SATL1: variants seen among roughly 807,000 people sequenced by gnomAD.
SATL1 encodes spermidine/spermine N1-acetyl transferase like 1, also known as spermidine/spermine N(1)-acetyltransferase-like protein 1.
Under a neutral mutation model 51.8 loss-of-function variants are expected in SATL1, and 47 were observed. That is an observed-to-expected ratio of 0.91 (90% CI 0.72 to 1.16). The LOEUF is 1.16. SATL1 is among the 50% of genes most tolerant of loss of function. The pLI, the probability that SATL1 is intolerant of heterozygous loss-of-function variation, is 0.00. For synonymous variants in SATL1, 176 were observed against 182.4 expected, an observed-to-expected ratio of 0.97 and a Z score of 0.28; for missense variants, 520 against 526.4, an observed-to-expected ratio of 0.99 and a Z score of 0.12.
chrX:85,167,158 A>T (rs1926859071), intron 2 of SATL1, among the ~76,000 whole-genome samples: 1 of 108,201 alleles, frequency 9.2e-6, no homozygotes, highest in Admixed American at 1.0e-4. Flanking sequence ...AAAACCAAAC[A>T]TCATATGTTC....
chrX:85,129,664 C>T lies in SATL1; in HGVS notation c.-312-20384G>A, dbSNP rs753159730. The stretch of plus-strand genomic sequence containing the variant: ...TCTTTCTCTTGCCTGATTGCCCTGG[C>T]CAGAACTTCCAACACTGTGTTGAAT... On this transcript the variant is annotated intron_variant, in intron 2 of 7. Coordinates refer to ENST00000644105, the MANE Select transcript of SATL1 (RefSeq NM_001367857.2). Among the ~76,000 whole-genome samples, 12 of 111,547 alleles carry T rather than the reference C, an allele frequency of 1.1e-4. No homozygotes were observed. The East Asian group carries it at 2.3e-3, about 21-fold the overall frequency.
intron 4 of SATL1, 69 bp downstream of exon 4, chrX:85,103,795 G>T (rs1924959589): frequency 1.9e-5 from 14 of 744,934 alleles, no homozygotes; most frequent in Non-Finnish European, 2.7e-5. Flanking sequence ...AAGAACAATA[G>T]CTTCCACATA....
chrX:85,220,809 AAGAGAAAAAGAAATTAAGTG>A (rs1322290514), intron 2 of SATL1, among the ~76,000 whole-genome samples: 22 of 109,716 alleles, frequency 2.0e-4, no homozygotes, highest in Non-Finnish European at 3.6e-4. Flanking sequence ...GAAAAGAAAA[AAGAGAAAAAGAAATTAAGTG>A]AGAGAAAAAG....
At chrX:85,181,200 TATAC>T (rs59181488) in intron 2 of SATL1, among the ~76,000 whole-genome samples, 22,866 of 103,826 alleles carry the variant, frequency 0.22, 2,767 homozygotes, top group African/African-American at 0.45. Context: ...TATATATATA[TATAC>T]ACATATATAT....
At chrX:85,234,075 C>T (rs986399540) in intron 1 of SATL1, among the ~76,000 whole-genome samples, 8 of 110,342 alleles carry the variant, frequency 7.3e-5, no homozygotes, top group Non-Finnish European at 1.3e-4. Flanking sequence ...CATGCAAAAA[C>T]ACTCCAATAC....
intron 2 of SATL1, among the ~76,000 whole-genome samples, chrX:85,197,900 T>C (rs913196557): frequency 9.0e-6 from 1 of 110,519 alleles, no homozygotes; most frequent in Admixed American, 9.8e-5. Context: ...TCTATCATTG[T>C]TGGACACCAA....
intron 2 of SATL1, among the ~76,000 whole-genome samples, chrX:85,220,644 TAAAAAAAAAAAAAAAAAAA>T (rs57383092): frequency 0.23 from 5,537 of 23,946 alleles, 349 homozygotes; most frequent in South Asian, 0.3. Flanking sequence ...ACTTCTGTGT[TAAAAAAAAAAAAAAAAAAA>T]AAAAAAAAAA....
intron 3 of SATL1, among the ~76,000 whole-genome samples, chrX:85,104,722 T>C (rs1342319937): frequency 9.0e-6 from 1 of 111,631 alleles, no homozygotes; most frequent in Non-Finnish European, 1.9e-5. Flanking sequence ...TATTTGCATG[T>C]ACCCTATGTA....
At chrX:85,168,413 A>G (rs1221051686) in intron 2 of SATL1, among the ~76,000 whole-genome samples, 1 of 112,121 alleles carries the variant, frequency 8.9e-6, no homozygotes, top group Admixed American at 9.5e-5. Flanking sequence ...TTAAGCTGAT[A>G]AACAACTTCA....
At chrX:85,148,744 C>A (rs986906244) in intron 2 of SATL1, among the ~76,000 whole-genome samples, 1 of 111,060 alleles carries the variant, frequency 9.0e-6, no homozygotes, top group Non-Finnish European at 1.9e-5. Flanking sequence ...GAAATAAAGT[C>A]CTTTACAGAC....
intron 2 of SATL1, among the ~76,000 whole-genome samples, chrX:85,162,567 A>G (rs1336481376): frequency 1.8e-5 from 2 of 111,071 alleles, no homozygotes; most frequent in African/African-American, 3.3e-5. Context: ...TAGGACTTTC[A>G]AGTACTATGT....
chrX:85,130,547 A>C (rs751149041), intron 2 of SATL1, among the ~76,000 whole-genome samples: 2 of 110,287 alleles, frequency 1.8e-5, no homozygotes, highest in Admixed American at 9.7e-5. Flanking sequence ...TTTATTCTTT[A>C]TTAGTCTTGC....
At chrX:85,207,976 A>G (rs1004466435) in intron 2 of SATL1, 1 of 111,292 alleles carries the variant, frequency 9.0e-6, no homozygotes, top group Non-Finnish European at 1.9e-5. Flanking sequence ...ATAGGTATAC[A>G]TGTGCCATGT....
chrX:85,211,633 T>G (rs1927926303), intron 2 of SATL1: 1 of 111,350 alleles, frequency 9.0e-6, no homozygotes, highest in Non-Finnish European at 1.9e-5. Flanking sequence ...TTTAACCCTT[T>G]TGGATGGAAA....
chrX:85,140,520 G>C (rs764450223), intron 2 of SATL1, among the ~76,000 whole-genome samples: 6 of 112,088 alleles, frequency 5.4e-5, no homozygotes, highest in Non-Finnish European at 1.1e-4. Context: ...ATGTAGATCA[G>C]ACAAATATAT....
intron 2 of SATL1, among the ~76,000 whole-genome samples, chrX:85,119,468 T>C (rs1213316042): frequency 8.9e-6 from 1 of 112,031 alleles, no homozygotes; most frequent in African/African-American, 3.2e-5. Flanking sequence ...TAAGTATATG[T>C]TTTCATTTAT....
rs1211752884 is a variant in SATL1 at position 85,109,170 on chromosome X, G to T, written c.-202C>A. ...TCTATCAAGGTGGGAATTGGAAAAAGAGAGGAGCACCTCAGGAAGATTATT... is the reference window on the plus strand; with the variant it reads ...TCTATCAAGGTGGGAATTGGAAAAATAGAGGAGCACCTCAGGAAGATTATT... On this transcript the variant is annotated 5_prime_UTR_variant, in exon 3 of 8. Transcript: ENST00000644105. The T allele has an allele frequency of 2.3e-6, 1 of 436,892 alleles. No individual in the cohort carries two copies. The highest frequency in any genetic ancestry group is 3.9e-6 in the Non-Finnish European group (1 of 254,759). The allele number at this position is 436,892 out of a possible 1,213,427, so 36.0% of individuals were successfully genotyped here.
At chrX:85,185,655 C>G (rs767699392) in intron 2 of SATL1, among the ~76,000 whole-genome samples, 9 of 111,616 alleles carry the variant, frequency 8.1e-5, no homozygotes, top group Admixed American at 1.9e-4. Flanking sequence ...GATGTTCCCT[C>G]AAGTCTTAAG....
At chrX:85,099,211 TAAGAAAC>T (rs1278661280) in intron 4 of SATL1, among the ~76,000 whole-genome samples, 1 of 111,333 alleles carries the variant, frequency 9.0e-6, no homozygotes, top group Admixed American at 9.6e-5. Context: ...TAAACCTACT[TAAGAAAC>T]AGAAAATCTC....
Sources: allele counts gnomAD v4.1 joint callset (sites outside exome capture counted in the v4.1 genomes callset), GRCh38; gene constraint gnomAD v4.1.1; transcripts MANE v1.5; gene names NCBI Gene and HGNC (gene_info 2026-07-23, HGNC 2026-07-21).